Variants in CFAP65 observed in about 807,000 individuals in gnomAD.
CFAP65 encodes cilia- and flagella-associated protein 65.
Under a neutral mutation model 208.0 loss-of-function variants are expected in CFAP65, and 155 were observed. The ratio of observed to expected loss-of-function variants is 0.75; its 90% CI spans 0.65 to 0.85. The LOEUF is 0.85. CFAP65 is among the 40% of genes least tolerant of loss of function. The probability of loss-of-function intolerance (pLI) is 0.00; values close to 1 mark genes in which losing one functional copy is unlikely to be tolerated. For synonymous variants in CFAP65, 970 were observed against 986.3 expected (o/e 0.98, Z 0.31); for missense variants, 2,294 against 2,451.3 (o/e 0.94, Z 1.36).
At position 219,027,879 on chromosome 2, in the gene CFAP65, C is replaced by G. The variant is rs755104958; in HGVS notation, c.1982G>C (p.Gly661Ala). The change falls in exon 13 of 35, where the codon GGT becomes GCT. Residue 661 changes from glycine (G) to alanine (A), a missense_variant. Gly to Ala is a moderately conservative substitution (Grantham distance 60). Coordinates refer to ENST00000341552, the MANE Select transcript of CFAP65 (RefSeq NM_194302.4). Reference sequence around the variant, plus strand: ...GGGGGCCTCAGGCCCTGGGCAGGCACCGAAGTCTACCTCGACAGGCTCTAC... The same window carrying G: ...GGGGGCCTCAGGCCCTGGGCAGGCAGCGAAGTCTACCTCGACAGGCTCTAC... The part of the protein sequence containing the change: ...ISVEPVEVDF[G>A]ACPGPEAPNP... The G allele has an allele frequency of 3.8e-6, 6 of 1,558,554 alleles. No homozygotes were observed. Among genetic ancestry groups the G allele is most frequent in the Non-Finnish European group, 5.2e-6 (6 of 1,149,938 alleles).
intron 27 of CFAP65, among the ~76,000 whole-genome samples, 171 bp from the exon 28 acceptor site, chr2:219,009,631 T>C (rs1179465980): frequency 1.9e-5 from 2 of 106,250 alleles, no homozygotes; most frequent in African/African-American, 4.9e-5. Flanking sequence ...TGGGATGGGA[T>C]GGGATGGGAT....
Position 219,038,521 on chromosome 2 carries a change from C to G in CFAP65, c.211G>C (p.Ala71Pro). 2 of 1,614,138 alleles carry G rather than the reference C, an allele frequency of 1.2e-6. No individual in the cohort carries two copies. Among genetic ancestry groups the G allele is most frequent in the South Asian group, 1.1e-5 (1 of 91,078 alleles). Residue 71 changes from alanine to proline, a missense_variant, in exon 4 of 35, where the codon GCT (alanine) becomes CCT (proline). By Grantham distance (27) the Ala-to-Pro change is conservative. Around this residue, in one of 2 missense-constraint regions of CFAP65, gnomAD observed 867 missense variants for 1,012.6 expected, o/e 0.86. Coordinates refer to ENST00000341552, the MANE Select transcript of CFAP65 (RefSeq NM_194302.4). The part of the protein sequence containing the change: ...LCPKDMMLTQ[A>P]PSSVVRSRNS... The stretch of plus-strand genomic sequence containing the variant: ...CTGGACCTCACGACGGAGCTTGGAG[C>G]CTGGGTGAGCATCATGTCCTTGGGA...
Position 219,038,531 on chromosome 2 carries a change from C to T in CFAP65, c.201G>A (p.Met67Ile). The T allele has an allele frequency of 2.5e-6, 4 of 1,614,164 alleles. No homozygotes were observed. Among genetic ancestry groups the T allele is most frequent in the Non-Finnish European group, 3.4e-6 (4 of 1,180,038 alleles). The change falls in exon 4 of 35, where the codon ATG becomes ATA. Residue 67 changes from methionine (M) to isoleucine (I), a missense_variant. This residue lies in a region of CFAP65 where 867 missense variants were observed against 1,012.6 expected (regional missense o/e 0.86). Transcript: ENST00000341552. ...CGACGGAGCTTGGAGCCTGGGTGAG[C>T]ATCATGTCCTTGGGACACAGTCCAA... ...APFGLCPKDMMLTQAPSSVVR... is the reference protein window; with the variant it reads ...APFGLCPKDMILTQAPSSVVR...
At chr2:219,012,848 A>G (rs1946577701) in intron 24 of CFAP65, among the ~76,000 whole-genome samples, 1 of 152,256 alleles carries the variant, frequency 6.6e-6, no homozygotes, top group Non-Finnish European at 1.5e-5. Flanking sequence ...ATAGAACAAA[A>G]AAGAAAATAT....
At position 219,035,516 on chromosome 2, in the gene CFAP65, T is replaced by C; in HGVS notation, c.506A>G (p.Lys169Arg). 1 of 1,614,114 alleles carries C rather than the reference T, an allele frequency of 6.2e-7. No individual in the cohort carries two copies. Among genetic ancestry groups the C allele is most frequent in the Non-Finnish European group, 8.5e-7 (1 of 1,180,020 alleles). The change falls in exon 5 of 35, where the codon AAA (lysine) becomes AGA (arginine). Residue 169 changes from lysine to arginine, a missense_variant. Coordinates refer to ENST00000341552, the MANE Select transcript of CFAP65 (RefSeq NM_194302.4). ...GKETTRNLVL[K>R]NRSLKLQKMK... The stretch of plus-strand genomic sequence containing the variant: ...CTTCTGGAGTTTCAAGGATCGATTT[T>C]TCAGAACCAGATTCCTTGTGGTCTC...
At position 219,004,983 on chromosome 2, in the gene CFAP65, TTCTG is replaced by T. The variant is rs1288770762; in HGVS notation, c.5051+447_5051+450del. Among the ~76,000 whole-genome samples, 5 of 150,428 alleles carry T rather than the reference TTCTG, an allele frequency of 3.3e-5. No homozygotes were observed. Among genetic ancestry groups the T allele is most frequent in the Non-Finnish European group, 5.9e-5 (4 of 67,976 alleles). ...TCTCTCTCTTTCTTTCTTTCTCTCT[TTCTG>T]TCTTTGTCTCTTTCTTTCTTTCTCT... On this transcript the variant is annotated intron_variant, in intron 32 of 34. Coordinates refer to ENST00000341552, the MANE Select transcript of CFAP65 (RefSeq NM_194302.4). The surrounding 1 kb of genome is among the most constrained non-coding windows in gnomAD (Gnocchi z 4.7).
Position 219,031,231 on chromosome 2 carries a change from G to A in CFAP65, c.890C>T (p.Pro297Leu), listed in dbSNP as rs376728424. 1.3e-5 allele frequency: 21 copies of A among 1,613,734 alleles called. No homozygotes were observed. Among genetic ancestry groups the A allele is most frequent in the African/African-American group, 4.0e-5 (3 of 74,936 alleles). ...CACCTTGATCTGAGAGGCCTGGCCT[G>A]GCTCCAGGAGCCCCGTGGCGGGCAG... ...QMLPATGLLEPGQASQIKVTF... is the reference protein window; with the variant it reads ...QMLPATGLLELGQASQIKVTF... The change falls in exon 8 of 35, where the codon CCA becomes CTA. Residue 297 changes from proline (P) to leucine (L), a missense_variant. By Grantham distance (98) the Pro-to-Leu change is moderately conservative. Transcript: ENST00000341552. This position sits in a 1 kb window ranked among gnomAD's most constrained non-coding sequence, Gnocchi z 5.2.
chr2:219,009,112 G>A lies in CFAP65; in HGVS notation c.4609C>T (p.Gln1537Ter). 1 of 1,612,920 alleles carries A rather than the reference G, an allele frequency of 6.2e-7. No individual in the cohort carries two copies. The highest frequency in any genetic ancestry group is 1.1e-5 in the South Asian group (1 of 91,088). ...CGCACCTTCTCGTCCTTCCACTCCTGCAGCTCCTTGTGATACTGCCTCATG... is the reference window on the plus strand; with the variant it reads ...CGCACCTTCTCGTCCTTCCACTCCTACAGCTCCTTGTGATACTGCCTCATG... ...QLMRQYHKEL[Q>*]EWKDEKVRQE... Residue 1537 changes from glutamine to a stop codon, truncating the protein, a stop_gained, in exon 29 of 35, where the codon CAG becomes TAG. Coordinates refer to ENST00000341552, the MANE Select transcript of CFAP65 (RefSeq NM_194302.4). LOFTEE classifies it high-confidence loss of function.
intron 14 of CFAP65, 92 bp from the exon 15 acceptor site, chr2:219,024,352 T>C: frequency 6.8e-7 from 1 of 1,478,416 alleles, no homozygotes; most frequent in Admixed American, 2.2e-5. Flanking sequence ...GGAGGAGCTG[T>C]CTCCAAGTAG....
At position 219,003,309 on chromosome 2, in the gene CFAP65, A is replaced by G. The variant is rs1280840648; in HGVS notation, c.5556-37T>C. On this transcript the variant is annotated intron_variant, in intron 33 of 34. Transcript: ENST00000341552. The surrounding 1 kb of genome is among the most constrained non-coding windows in gnomAD (Gnocchi z 4.4). The stretch of plus-strand genomic sequence containing the variant: ...CGGGGGCTAGCATGAGGGCGGCCGC[A>G]GTGCCCGCGCGCCTCCTCGCTCGCC... The G allele has an allele frequency of 2.0e-5, 29 of 1,485,946 alleles. No individual in the cohort carries two copies. Among genetic ancestry groups the G allele is most frequent in the Non-Finnish European group, 2.4e-5 (27 of 1,116,558 alleles). 92.0% of individuals were successfully genotyped at this position (1,485,946 alleles called of 1,614,324 possible).
intron 15 of CFAP65, 27 bp downstream of exon 15, chr2:219,023,988 C>T (rs1407146106): frequency 3.1e-6 from 5 of 1,604,812 alleles, no homozygotes; most frequent in East Asian, 2.2e-5. Flanking sequence ...TTCCCAAGGA[C>T]CCAGGTCCCC....
At chr2:219,008,401 G>A (rs1946178448) in intron 29 of CFAP65, among the ~76,000 whole-genome samples, 1 of 152,174 alleles carries the variant, frequency 6.6e-6, no homozygotes. Flanking sequence ...TGAAACCTGG[G>A]CAATCTGTCT....
rs1386117032 is a variant in CFAP65, at chr2:219,013,565, T to A, written c.3800A>T (p.Asp1267Val). 1.2e-6 allele frequency: 2 copies of A among 1,600,742 alleles called. No homozygotes were observed. The highest frequency in any genetic ancestry group is 1.7e-6 in the Non-Finnish European group (2 of 1,175,188). Reference protein sequence around the residue: ...LKYSHLFIGTDHLPVLFKVSH... With the variant: ...LKYSHLFIGTVHLPVLFKVSH... ...CACCTTGAAGAGCACTGGGAGGTGATCAGTACCGATGAACAGGTGGCTAGA... is the reference window on the plus strand; with the variant it reads ...CACCTTGAAGAGCACTGGGAGGTGAACAGTACCGATGAACAGGTGGCTAGA... The change falls in exon 23 of 35, where the codon GAT (aspartate) becomes GTT (valine). Residue 1267 changes from aspartate (D) to valine (V), a missense_variant. This residue lies in a region of CFAP65 where 1,427 missense variants were observed against 1,438.7 expected (regional missense o/e 0.99). Transcript: ENST00000341552.
In CFAP65 at chr2:219,017,785, C is replaced by G. The variant is rs181563364; in HGVS notation, c.3602+1266G>C. 4.4e-3 allele frequency among the ~76,000 whole-genome samples: 668 copies of G among 152,366 alleles called. 4 individuals carry two copies. The highest frequency in any genetic ancestry group is 5.7e-3 in the Non-Finnish European group (387 of 68,034). The stretch of plus-strand genomic sequence containing the variant: ...GCTTTTTCTGCCCCCAACCCTCTCC[C>G]TGGAGCCCTGTAGGGCCTGGCTCCG... On this transcript the variant is annotated intron_variant, in intron 21 of 34. Coordinates refer to ENST00000341552, the MANE Select transcript of CFAP65 (RefSeq NM_194302.4).
chr2:219,033,994 AAT>A (rs1948207558), intron 5 of CFAP65: 1 of 152,232 alleles, frequency 6.6e-6, no homozygotes, highest in South Asian at 2.1e-4. Context: ...ACAACTAAAA[AAT>A]ATGTCATATA....
Position 219,023,202 on chromosome 2 carries a change from C to T in CFAP65, c.2820+5G>A, listed in dbSNP as rs761796390. 3 of 1,610,196 alleles carry T rather than the reference C, an allele frequency of 1.9e-6. No individual in the cohort carries two copies. The highest frequency in any genetic ancestry group is 2.5e-6 in the Non-Finnish European group (3 of 1,179,132). Reference sequence around the variant, plus strand: ...CCGTCACTCGGCAGGAGGGGAGCCACTCACAAGTCTCTCGTTGGGCTGGAT... The same window carrying T: ...CCGTCACTCGGCAGGAGGGGAGCCATTCACAAGTCTCTCGTTGGGCTGGAT... On this transcript the variant is annotated splice_donor_5th_base_variant and intron_variant, in intron 16 of 34. Coordinates refer to ENST00000341552, the MANE Select transcript of CFAP65 (RefSeq NM_194302.4).
At position 219,005,525 on chromosome 2, in the gene CFAP65, C is replaced by G. The variant is rs1263608505; in HGVS notation, c.4960G>C (p.Glu1654Gln). The change falls in exon 32 of 35, where the codon GAG becomes CAG. Residue 1654 changes from glutamate (E) to glutamine (Q), a missense_variant. Coordinates refer to ENST00000341552, the MANE Select transcript of CFAP65 (RefSeq NM_194302.4). The stretch of plus-strand genomic sequence containing the variant: ...TTAGGGGATTTTTCCTCAGAAGTCT[C>G]TGACTCTTCCCTGGGGGCCTTCCTC... ...PKRKAPREES[E>Q]TSEEKSPNKW... The G allele has an allele frequency of 1.9e-6, 3 of 1,612,784 alleles. No individual in the cohort carries two copies. The highest frequency in any genetic ancestry group is 2.5e-6 in the Non-Finnish European group (3 of 1,179,954).
rs531743353 is a variant in CFAP65, at chr2:219,003,288, G to A, written c.5556-16C>T. ...GGCCGGGAGCCTGCGAGGGGGCGGG[G>A]GCTAGCATGAGGGCGGCCGCAGTGC... On this transcript the variant is annotated splice_polypyrimidine_tract_variant and intron_variant, in intron 33 of 34. Transcript: ENST00000341552. The surrounding 1 kb of genome is among the most constrained non-coding windows in gnomAD (Gnocchi z 4.4). 2.6e-6 allele frequency: 4 copies of A among 1,516,232 alleles called. No homozygotes were observed. The highest frequency in any genetic ancestry group is 3.5e-6 in the Non-Finnish European group (4 of 1,129,644). 93.9% of individuals were successfully genotyped at this position (1,516,232 alleles called of 1,614,324 possible).
chr2:219,013,800 A>T, intron 22 of CFAP65, 68 bp downstream of exon 22: 1 of 1,438,270 alleles, frequency 7.0e-7, no homozygotes, highest in Admixed American at 1.9e-5. Context: ...CTGGAGTCAT[A>T]CAATGAAATG....
Sources: allele counts gnomAD v4.1 joint callset (sites outside exome capture counted in the v4.1 genomes callset), GRCh38; gene constraint gnomAD v4.1.1; regional missense constraint gnomAD v4.1.1; non-coding constraint Gnocchi (gnomAD v3.1); transcripts MANE v1.5; gene names NCBI Gene and HGNC (gene_info 2026-07-23, HGNC 2026-07-21).